Variants in ABL2 observed in about 807,000 individuals in gnomAD.
ABL2 encodes tyrosine-protein kinase ABL2.
ABL2 carries 49 observed loss-of-function variants against 107.7 expected under a neutral mutation model. The ratio of observed to expected loss-of-function variants is 0.45; its 90% CI spans 0.36 to 0.58. ABL2 has a LOEUF of 0.58. Among genes scored for constraint, ABL2 ranks in the 20% least tolerant of loss-of-function variants. ABL2 has a pLI of 0.00. For missense variants in ABL2, 1,245 were observed against 1,457.0 expected (o/e 0.85, Z 2.37); for synonymous variants, 549 against 548.6 (o/e 1.00, Z -0.01).
intron 1 of ABL2, among the ~76,000 whole-genome samples, chr1:179,209,290 T>G (rs1251795740): frequency 6.6e-6 from 1 of 152,156 alleles, no homozygotes; most frequent in East Asian, 1.9e-4. Flanking sequence ...CAAACAAGCC[T>G]TGCTAAGTTC....
rs756181645 is a variant in ABL2 at position 179,108,504 on chromosome 1, G to A, written c.2763C>T (p.Pro921=). 5.5e-5 allele frequency: 88 copies of A among 1,614,036 alleles called. No individual in the cohort carries two copies. Among genetic ancestry groups the A allele is most frequent in the Middle Eastern group, 3.3e-4 (2 of 6,084 alleles). The change falls in exon 12 of 12, where the codon CCC becomes CCT. Residue 921 remains proline (P), a synonymous_variant. Transcript: ENST00000502732. ...PGWPSPAKAA[P]VLPTTHNHKV... ...TGTGGTTGTGAGTGGTTGGGAGGACGGGGGCAGCCTTGGCTGGAGAAGGCC... is the reference window on the plus strand; with the variant it reads ...TGTGGTTGTGAGTGGTTGGGAGGACAGGGGCAGCCTTGGCTGGAGAAGGCC...
chr1:179,135,290 G>A (rs942557181), intron 1 of ABL2, among the ~76,000 whole-genome samples: 8 of 146,524 alleles, frequency 5.5e-5, no homozygotes, highest in African/African-American at 1.6e-4. Flanking sequence ...AGTGAGGAGC[G>A]CCTCTTCCCG....
At chr1:179,227,907 CG>C (rs1313329416) in intron 1 of ABL2, among the ~76,000 whole-genome samples, 1 of 151,862 alleles carries the variant, frequency 6.6e-6, no homozygotes, top group African/African-American at 2.4e-5. Flanking sequence ...AAAAATTAGC[CG>C]GGTGTGGTGG....
At chr1:179,149,777 C>T (rs906073544) in intron 1 of ABL2, among the ~76,000 whole-genome samples, 3 of 152,210 alleles carry the variant, frequency 2.0e-5, no homozygotes, top group Non-Finnish European at 4.4e-5. Flanking sequence ...TTGAGACCTA[C>T]AGCTCAGAAT....
chr1:179,116,816 T>C (rs1654681644), intron 8 of ABL2: 1 of 157,634 alleles, frequency 6.3e-6, no homozygotes, highest in Non-Finnish European at 1.4e-5. Context: ...GGCCCTAAAC[T>C]TTCTTCTTTA....
chr1:179,107,463 CT>C lies in ABL2; in HGVS notation c.*254del, dbSNP rs1653544195. 1 of 535,600 alleles carries C rather than the reference CT, an allele frequency of 1.9e-6. No homozygotes were observed. The highest frequency in any genetic ancestry group is 3.1e-6 in the Non-Finnish European group (1 of 327,622). 33.2% of individuals were successfully genotyped at this position (535,600 alleles called of 1,614,324 possible). On this transcript the variant is annotated 3_prime_UTR_variant, in exon 12 of 12. Transcript: ENST00000502732. ...CTTCCTTATGACATACACATGTTCC[CT>C]ATTTTCCAGTGCAGTTTCCAACCCT...
chr1:179,101,324 C>T lies in ABL2; in HGVS notation c.*6394G>A, dbSNP rs1653065569. Reference sequence around the variant, plus strand: ...TCTTGATCCCACAGGGTGAAGCCTTCCCTAATTTCCTGTCCTTTGGATCTA... The same window carrying T: ...TCTTGATCCCACAGGGTGAAGCCTTTCCTAATTTCCTGTCCTTTGGATCTA... On this transcript the variant is annotated 3_prime_UTR_variant, in exon 12 of 12. Transcript: ENST00000502732. The T allele has an allele frequency of 4.9e-6, 1 of 205,532 alleles. No homozygotes were observed. Among genetic ancestry groups the T allele is most frequent in the African/African-American group, 2.3e-5 (1 of 43,580 alleles). 12.7% of individuals were successfully genotyped at this position (205,532 alleles called of 1,614,324 possible). A position where few individuals can be genotyped will look rare whatever the true frequency, so the allele number is the denominator to read the frequency against.
At position 179,105,687 on chromosome 1, in the gene ABL2, G is replaced by A. The variant is rs1653424950; in HGVS notation, c.*2031C>T. 1 of 226,530 alleles carries A rather than the reference G, an allele frequency of 4.4e-6. No homozygotes were observed. 14.0% of individuals were successfully genotyped at this position (226,530 alleles called of 1,614,324 possible). ...GTGTCTCCTCTAATCCTCTTAACCT[G>A]GGCCTCCTTTGGAGCAGCAATGGTA... On this transcript the variant is annotated 3_prime_UTR_variant, in exon 12 of 12. Transcript: ENST00000502732.
intron 1 of ABL2, among the ~76,000 whole-genome samples, chr1:179,207,168 CTT>C (rs573654560): frequency 1.4e-5 from 2 of 141,724 alleles, no homozygotes; most frequent in Non-Finnish European, 1.5e-5. Flanking sequence ...TCTTTTCTTT[CTT>C]TTTTTTTTTT....
Position 179,101,286 on chromosome 1 carries a change from T to C in ABL2, c.*6432A>G, listed in dbSNP as rs1293764035. The C allele has an allele frequency of 4.6e-5, 10 of 216,484 alleles. No individual in the cohort carries two copies. The highest frequency in any genetic ancestry group is 4.6e-5 in the Non-Finnish European group (5 of 107,628). 13.4% of individuals were successfully genotyped at this position (216,484 alleles called of 1,614,324 possible). On this transcript the variant is annotated 3_prime_UTR_variant, in exon 12 of 12. Transcript: ENST00000502732. Reference sequence around the variant, plus strand: ...AGGCCTCCTTACCTGGGAAGAAGTATGGGATCTTCTTATCTTGATCCCACA... The same window carrying C: ...AGGCCTCCTTACCTGGGAAGAAGTACGGGATCTTCTTATCTTGATCCCACA...
rs1653341040 is a variant in ABL2, at chr1:179,104,440, GTTGAATCC to G, written c.*3270_*3277del. On this transcript the variant is annotated 3_prime_UTR_variant, in exon 12 of 12. Transcript: ENST00000502732. Reference sequence around the variant, plus strand: ...GACATATTTTACTAGCCAATTTTCAGTTGAATCCTAAGAAACTTTCTATCTAATTTAAA... The same window carrying G: ...GACATATTTTACTAGCCAATTTTCAGTAAGAAACTTTCTATCTAATTTAAA... 9.3e-6 allele frequency: 2 copies of G among 216,002 alleles called. No individual in the cohort carries two copies. Among genetic ancestry groups the G allele is most frequent in the South Asian group, 3.7e-4 (2 of 5,372 alleles). 13.4% of individuals were successfully genotyped at this position (216,002 alleles called of 1,614,324 possible).
intron 1 of ABL2, among the ~76,000 whole-genome samples, chr1:179,208,579 T>C (rs966938120): frequency 6.6e-6 from 1 of 152,172 alleles, no homozygotes; most frequent in African/African-American, 2.4e-5. Flanking sequence ...GAGGGATATC[T>C]CCCCTCAGAT....
intron 1 of ABL2, among the ~76,000 whole-genome samples, chr1:179,216,994 T>A (rs1662598824): frequency 6.6e-6 from 1 of 151,436 alleles, no homozygotes; most frequent in Non-Finnish European, 1.5e-5. Flanking sequence ...TTACATAGAT[T>A]CTAATATAAG....
chr1:179,198,040 G>A (rs1029884129), intron 1 of ABL2, among the ~76,000 whole-genome samples: 1 of 151,682 alleles, frequency 6.6e-6, no homozygotes, highest in African/African-American at 2.4e-5. Context: ...TGGCGTGGTG[G>A]CACACGTCTA....
At chr1:179,175,847 C>CTTTTTTTT (rs777854254) in intron 1 of ABL2, among the ~76,000 whole-genome samples, 1 of 132,200 alleles carries the variant, frequency 7.6e-6, no homozygotes, top group African/African-American at 2.8e-5. Context: ...ACACATTCTT[C>CTTTTTTTT]TTTTTTTTTT....
Position 179,126,780 on chromosome 1 carries a change from G to T in ABL2, c.392-108C>A. Reference sequence around the variant, plus strand: ...CTCATTAAAAAAAAAAAAGAATCTAGAACTTTTATGCCAAATTTTTTTTTT... The same window carrying T: ...CTCATTAAAAAAAAAAAAGAATCTATAACTTTTATGCCAAATTTTTTTTTT... On this transcript the variant is annotated intron_variant, in intron 3 of 11. Transcript: ENST00000502732. This position sits in a 1 kb window ranked among gnomAD's most constrained non-coding sequence, Gnocchi z 4.4. The T allele has an allele frequency of 1.7e-6, 2 of 1,146,320 alleles. No individual in the cohort carries two copies. Among genetic ancestry groups the T allele is most frequent in the Non-Finnish European group, 2.4e-6 (2 of 841,700 alleles). 71.0% of individuals were successfully genotyped at this position (1,146,320 alleles called of 1,614,324 possible).
At chr1:179,205,728 G>T (rs569078115) in intron 1 of ABL2, among the ~76,000 whole-genome samples, 1 of 152,096 alleles carries the variant, frequency 6.6e-6, no homozygotes, top group African/African-American at 2.4e-5. Context: ...CGGGTAAGGG[G>T]GATTGTTGTT....
chr1:179,186,567 G>C (rs1183495831), intron 1 of ABL2, among the ~76,000 whole-genome samples: 1 of 151,588 alleles, frequency 6.6e-6, no homozygotes, highest in Non-Finnish European at 1.5e-5. Context: ...TTTTAGTAGA[G>C]ACGGGGTTTC....
chr1:179,108,756 T>C lies in ABL2; in HGVS notation c.2511A>G (p.Ser837=). The part of the protein sequence containing the change: ...DRANDMLPKK[S]EESAAPSRER... ...CCCTGCTTGGAGCAGCACTTTCCTC[T>C]GATTTTTTTGGAAGCATGTCATTGG... The change falls in exon 12 of 12, where the codon TCA becomes TCG. Residue 837 remains serine, a synonymous_variant. Coordinates refer to ENST00000502732, the MANE Select transcript of ABL2 (RefSeq NM_007314.4). 1 of 1,614,224 alleles carries C rather than the reference T, an allele frequency of 6.2e-7. No homozygotes were observed. The highest frequency in any genetic ancestry group is 8.5e-7 in the Non-Finnish European group (1 of 1,180,042).
Sources: allele counts gnomAD v4.1 joint callset (sites outside exome capture counted in the v4.1 genomes callset), GRCh38; gene constraint gnomAD v4.1.1; non-coding constraint Gnocchi (gnomAD v3.1); transcripts MANE v1.5; gene names NCBI Gene and HGNC (gene_info 2026-07-23, HGNC 2026-07-21).